The following MORC1 variants were observed in gnomAD, a reference collection of about 807,000 sequenced individuals.
MORC1 encodes MORC family CW-type zinc finger 1.
Under a neutral mutation model 134.9 loss-of-function variants are expected in MORC1, and 59 were observed. That is an observed-to-expected ratio of 0.44 (90% CI 0.35 to 0.54). The LOEUF is 0.54. MORC1 is among the 20% of genes least tolerant of loss of function. The pLI is 0.00. For missense variants in MORC1, 947 were observed against 1,134.5 expected, an observed-to-expected ratio of 0.83 and a Z score of 2.37; for synonymous variants, 395 against 391.7, an observed-to-expected ratio of 1.01 and a Z score of -0.10.
chr3:109,060,393 T>A lies in MORC1; in HGVS notation c.967-523A>T, dbSNP rs905797341. Among the ~76,000 whole-genome samples, 3 of 151,906 alleles carry A rather than the reference T, an allele frequency of 2.0e-5. No homozygotes were observed. In the East Asian group the frequency reaches 5.8e-4, roughly 30 times the overall value. ...AGGATACCCCATGCCCAGTTACCTTTCTTATTAAACTTTTGATTTGATATA... is the reference window on the plus strand; with the variant it reads ...AGGATACCCCATGCCCAGTTACCTTACTTATTAAACTTTTGATTTGATATA... On this transcript the variant is annotated intron_variant, in intron 11 of 27. Coordinates refer to ENST00000232603, the MANE Select transcript of MORC1 (RefSeq NM_014429.4).
rs1047387595 is a variant in MORC1 at position 109,117,975 on chromosome 3, G to A, written c.65+20C>T. On this transcript the variant is annotated intron_variant, in intron 1 of 27. Coordinates refer to ENST00000232603, the MANE Select transcript of MORC1 (RefSeq NM_014429.4). Reference sequence around the variant, plus strand: ...GGGCGCAGAGACCCTCCCCGACCCCGACCCCACCTCGGCACTCACGAGTTG... The same window carrying A: ...GGGCGCAGAGACCCTCCCCGACCCCAACCCCACCTCGGCACTCACGAGTTG... The A allele has an allele frequency of 1.9e-6, 3 of 1,547,228 alleles. No individual in the cohort carries two copies. Among genetic ancestry groups the A allele is most frequent in the African/African-American group, 2.7e-5 (2 of 73,480 alleles).
In MORC1 at chr3:109,005,103, C is replaced by A. The variant is rs748443685; in HGVS notation, c.1980G>T (p.Leu660=). Residue 660 remains leucine (L), a synonymous_variant, in exon 19 of 28, where the codon CTG becomes CTT. Coordinates refer to ENST00000232603, the MANE Select transcript of MORC1 (RefSeq NM_014429.4). The part of the protein sequence containing the change: ...NSQQQRIPVA[L]PENVKLAERS... ...TCTCAGCTAGTTTGACATTTTCTGGCAGAGCTACTGGAATTCTCTGCTGTT... is the reference window on the plus strand; with the variant it reads ...TCTCAGCTAGTTTGACATTTTCTGGAAGAGCTACTGGAATTCTCTGCTGTT... The A allele has an allele frequency of 9.3e-6, 15 of 1,611,696 alleles. No individual in the cohort carries two copies. The highest frequency in any genetic ancestry group is 6.7e-5 in the African/African-American group (5 of 74,724).
chr3:109,070,490 T>G (rs1408796965), intron 8 of MORC1, among the ~76,000 whole-genome samples: 1 of 152,202 alleles, frequency 6.6e-6, no homozygotes, highest in Non-Finnish European at 1.5e-5. Context: ...GTTTATGAAC[T>G]GTAAATCCTC....
chr3:109,100,018 C>T (rs991621162), intron 5 of MORC1, among the ~76,000 whole-genome samples: 1 of 151,958 alleles, frequency 6.6e-6, no homozygotes, highest in African/African-American at 2.4e-5. Context: ...CCGAGGCGGG[C>T]TGATTACTTG....
At chr3:108,967,378 C>G (rs552708316) in intron 26 of MORC1, among the ~76,000 whole-genome samples, 1 of 152,108 alleles carries the variant, frequency 6.6e-6, no homozygotes, top group African/African-American at 2.4e-5. Context: ...AATCAGAGTC[C>G]CCTAACCAGT....
At chr3:109,110,828 T>C (rs1951149661) in intron 2 of MORC1, 45 bp from the exon 3 acceptor site, 1 of 1,441,592 alleles carries the variant, frequency 6.9e-7, no homozygotes, top group African/African-American at 1.4e-5. Flanking sequence ...TGAAATGAAT[T>C]GCTTACATAA....
chr3:109,075,474 T>C (rs921672118), intron 8 of MORC1, among the ~76,000 whole-genome samples: 9 of 152,210 alleles, frequency 5.9e-5, no homozygotes, highest in African/African-American at 2.2e-4. Flanking sequence ...TTAATTTTTA[T>C]ATAAGGTGTA....
At chr3:109,092,383 C>G (rs1376081788) in intron 8 of MORC1, among the ~76,000 whole-genome samples, 1 of 152,134 alleles carries the variant, frequency 6.6e-6, no homozygotes, top group Non-Finnish European at 1.5e-5. Flanking sequence ...AAAGAAATTT[C>G]TAAATTTCAC....
chr3:109,099,299 G>C, intron 6 of MORC1, 59 bp downstream of exon 6: 1 of 1,206,532 alleles, frequency 8.3e-7, no homozygotes, highest in Non-Finnish European at 1.2e-6. Flanking sequence ...CACCTCCTGA[G>C]AGAGTAAATG....
At chr3:109,034,237 A>G (rs2107613410) in intron 15 of MORC1, among the ~76,000 whole-genome samples, 1 of 152,280 alleles carries the variant, frequency 6.6e-6, no homozygotes, top group Admixed American at 6.5e-5. Context: ...TCTTCCTTGG[A>G]ATACTCCTAG....
Position 109,040,483 on chromosome 3 carries a change from A to AG in MORC1, c.1331-5016dup, listed in dbSNP as rs1046287150. On this transcript the variant is annotated intron_variant, in intron 14 of 27. Coordinates refer to ENST00000232603, the MANE Select transcript of MORC1 (RefSeq NM_014429.4). ...AAGAAAGAAAGAAAGAAAGAAAGAA[A>AG]GAAAGGAAAGAAAAGAAAGGAAGGA... is the stretch of plus-strand genomic sequence containing the variant. Among the ~76,000 whole-genome samples, 120 of 147,224 alleles carry AG rather than the reference A, an allele frequency of 8.2e-4. 4 individuals carry two copies. Among genetic ancestry groups the AG allele is most frequent in the Admixed American group, 1.0e-3 (15 of 14,830 alleles).
chr3:109,039,774 C>T (rs1949466491), intron 14 of MORC1, among the ~76,000 whole-genome samples: 1 of 152,132 alleles, frequency 6.6e-6, no homozygotes, highest in African/African-American at 2.4e-5. Context: ...GCTATGATCA[C>T]AGAAGTATAG....
chr3:109,058,823 AT>A (rs899162909), intron 12 of MORC1, among the ~76,000 whole-genome samples: 2 of 24,102 alleles, frequency 8.3e-5, no homozygotes, highest in East Asian at 0.5. Flanking sequence ...ATATTCTTCT[AT>A]TAAAAAAAAC....
chr3:108,979,925 C>T (rs1020835561), intron 23 of MORC1, among the ~76,000 whole-genome samples: 4 of 152,042 alleles, frequency 2.6e-5, no homozygotes, highest in Non-Finnish European at 5.9e-5. Flanking sequence ...TTATTTTTAA[C>T]AGTAGTCATA....
intron 8 of MORC1, among the ~76,000 whole-genome samples, chr3:109,087,673 G>A (rs1173914909): frequency 1.3e-5 from 2 of 152,006 alleles, no homozygotes; most frequent in East Asian, 3.9e-4. Flanking sequence ...CAGATTCAAT[G>A]CTATTCCTGT....
chr3:109,116,483 T>C (rs560152906), intron 1 of MORC1, among the ~76,000 whole-genome samples: 1 of 152,306 alleles, frequency 6.6e-6, no homozygotes, highest in East Asian at 1.9e-4. Context: ...AACAAAAATC[T>C]ACCTGGGCAG....
rs755663469 is a variant in MORC1, at chr3:109,000,665, C to T, written c.2086-7G>A. The T allele has an allele frequency of 3.7e-6, 6 of 1,602,210 alleles. No homozygotes were observed. Among genetic ancestry groups the T allele is most frequent in the Non-Finnish European group, 5.1e-6 (6 of 1,174,158 alleles). On this transcript the variant is annotated splice_region_variant and splice_polypyrimidine_tract_variant and intron_variant, in intron 20 of 27. Coordinates refer to ENST00000232603, the MANE Select transcript of MORC1 (RefSeq NM_014429.4). ...TCATTTCCCAAGAAGCGGCCTATAA[C>T]AAGGAATTAACAAAAAAAATACAAG...
At chr3:109,037,968 T>C (rs1949418577) in intron 14 of MORC1, among the ~76,000 whole-genome samples, 1 of 152,196 alleles carries the variant, frequency 6.6e-6, no homozygotes, top group African/African-American at 2.4e-5. Flanking sequence ...AGTAATGGGA[T>C]TGCTGGGTCA....
intron 8 of MORC1, among the ~76,000 whole-genome samples, chr3:109,082,279 C>T (rs544382659): frequency 2.0e-5 from 3 of 150,380 alleles, no homozygotes; most frequent in Middle Eastern, 7.0e-3. Flanking sequence ...AGGTAAATTA[C>T]GAATAATCTT....
Sources: allele counts gnomAD v4.1 joint callset (sites outside exome capture counted in the v4.1 genomes callset), GRCh38; gene constraint gnomAD v4.1.1; transcripts MANE v1.5; gene names NCBI Gene and HGNC (gene_info 2026-07-23, HGNC 2026-07-21).